The following TMEM233 variants were observed in gnomAD, a reference collection of about 807,000 sequenced individuals.
TMEM233 encodes transmembrane protein 233, also known as dispanin subfamily B member 2.
A neutral mutation model predicts 11.2 loss-of-function variants in TMEM233; 6 were observed. The observed-to-expected ratio is 0.54, with a 90% CI of 0.29 to 1.06. TMEM233 has a LOEUF of 1.06. Ranked by LOEUF, TMEM233 falls within the 50% of genes least tolerant of loss-of-function variation. TMEM233 has a pLI of 0.08. For missense variants in TMEM233, 127 were observed against 144.7 expected, an observed-to-expected ratio of 0.88 and a Z score of 0.63; for synonymous variants, 59 against 55.8, an observed-to-expected ratio of 1.06 and a Z score of -0.26.
chr12:119,614,912 A>C (rs1205632442), intron 1 of TMEM233, among the ~76,000 whole-genome samples: 1 of 152,094 alleles, frequency 6.6e-6, no homozygotes, highest in Non-Finnish European at 1.5e-5. Context: ...TGACTAATAT[A>C]GCTCCTGGCT....
intron 1 of TMEM233, among the ~76,000 whole-genome samples, chr12:119,627,761 A>T (rs1388250699): frequency 6.6e-6 from 1 of 152,118 alleles, no homozygotes; most frequent in Non-Finnish European, 1.5e-5. Context: ...GCGGGACTTG[A>T]CTCCAGACCA....
intron 1 of TMEM233, among the ~76,000 whole-genome samples, chr12:119,601,643 G>T (rs1954168668): frequency 8.0e-6 from 1 of 124,974 alleles, no homozygotes; most frequent in African/African-American, 3.1e-5. Context: ...GGGCGACAGA[G>T]CGAGATTCCG....
downstream of TMEM233, among the ~76,000 whole-genome samples, chr12:119,646,301 C>T (rs986002270): frequency 8.5e-5 from 13 of 152,158 alleles, no homozygotes; most frequent in Non-Finnish European, 1.3e-4. Context: ...TCAAGTGATC[C>T]GCCCACCTCG....
intron 1 of TMEM233, among the ~76,000 whole-genome samples, chr12:119,596,212 T>C (rs896787880): frequency 6.6e-6 from 1 of 152,214 alleles, no homozygotes; most frequent in African/African-American, 2.4e-5. Flanking sequence ...TGGCTGGCAC[T>C]GGTGCCCACA....
Position 119,594,005 on chromosome 12 carries a change from A to G in TMEM233, c.157A>G (p.Asn53Asp). The G allele has an allele frequency of 6.4e-7, 1 of 1,551,562 alleles. No individual in the cohort carries two copies. Among genetic ancestry groups the G allele is most frequent in the Non-Finnish European group, 8.7e-7 (1 of 1,146,938 alleles). ...GTGTTTTTGCCCTGCGTACCCCATC[A>G]ACATCGTGGCTTTGGTCTTTTCCAT... ...VSCFCPAYPI[N>D]IVALVFSIMS... Residue 53 changes from asparagine to aspartate, a missense_variant, in exon 1 of 3, where the codon AAC becomes GAC. Transcript: ENST00000426426. The surrounding 1 kb of genome is among the most constrained non-coding windows in gnomAD (Gnocchi z 5.6).
chr12:119,645,319 C>CTAAAAAAAAA (rs1955136111), downstream of TMEM233, among the ~76,000 whole-genome samples: 1 of 7,246 alleles, frequency 1.4e-4, no homozygotes, highest in Non-Finnish European at 4.3e-4. Flanking sequence ...CCACCAATTA[C>CTAAAAAAAAA]CAAAAAAAAA....
chr12:119,647,988 A>G (rs1244558719), downstream of TMEM233, among the ~76,000 whole-genome samples: 2 of 152,106 alleles, frequency 1.3e-5, no homozygotes, highest in Non-Finnish European at 2.9e-5. Context: ...CTGCAGCCAC[A>G]CACTGGCCCC....
At chr12:119,649,191 G>A in the TMEM233 span, among the ~76,000 whole-genome samples, 5 of 152,040 alleles carry the variant, frequency 3.3e-5, no homozygotes, top group East Asian at 1.9e-4. Context: ...TCAGCTACTC[G>A]GGAAGCTGAG....
In TMEM233 at chr12:119,594,293, C is replaced by T. The variant is rs1481987375; in HGVS notation, c.186+259C>T. The T allele has an allele frequency of 2.2e-6, 1 of 458,360 alleles. No individual in the cohort carries two copies. Among genetic ancestry groups the T allele is most frequent in the Non-Finnish European group, 3.9e-6 (1 of 258,076 alleles). The allele number at this position is 458,360 out of a possible 1,614,324, so 28.4% of individuals were successfully genotyped here. Reference sequence around the variant, plus strand: ...CCCAGGCTAGCTTTCCTCTTCTTTCCAGCTCCCAGGGTGCGTTTCCTCTCC... The same window carrying T: ...CCCAGGCTAGCTTTCCTCTTCTTTCTAGCTCCCAGGGTGCGTTTCCTCTCC... On this transcript the variant is annotated intron_variant, in intron 1 of 2. Coordinates refer to ENST00000426426, the MANE Select transcript of TMEM233 (RefSeq NM_001136534.3). The surrounding 1 kb of genome is among the most constrained non-coding windows in gnomAD (Gnocchi z 5.6).
chr12:119,644,040 A>G (rs1265211801), downstream of TMEM233, among the ~76,000 whole-genome samples: 1 of 152,172 alleles, frequency 6.6e-6, no homozygotes, highest in Non-Finnish European at 1.5e-5. Context: ...CTGTGGAAAG[A>G]CAGTGTTTCT....
chr12:119,614,433 A>AGAGG (rs1460998382), intron 1 of TMEM233, among the ~76,000 whole-genome samples: 1 of 151,914 alleles, frequency 6.6e-6, no homozygotes, highest in Admixed American at 6.6e-5. Flanking sequence ...AGAGAGAGAG[A>AGAGG]GAGGCAAGAA....
downstream of TMEM233, among the ~76,000 whole-genome samples, chr12:119,646,387 G>A (rs1955153244): frequency 6.6e-6 from 1 of 152,128 alleles, no homozygotes; most frequent in Non-Finnish European, 1.5e-5. Flanking sequence ...GGGCTCTCTG[G>A]TATAACAACC....
At chr12:119,601,545 C>T (rs1165088412) in intron 1 of TMEM233, among the ~76,000 whole-genome samples, 1 of 151,792 alleles carries the variant, frequency 6.6e-6, no homozygotes, top group African/African-American at 2.4e-5. Context: ...GTAGTCCCAG[C>T]TACTCGGGAG....
At chr12:119,626,531 GGAGAAGGGAGAAGAGAA>G (rs1405142678) in intron 1 of TMEM233, among the ~76,000 whole-genome samples, 14,352 of 98,386 alleles carry the variant, frequency 0.15, 1,508 homozygotes, top group East Asian at 0.17. Context: ...AAGGGAGAAG[GGAGAAGGGAGAAGAGAA>G]GAGAAGAGAA....
intron 1 of TMEM233, among the ~76,000 whole-genome samples, chr12:119,605,516 C>A (rs996717821): frequency 2.7e-5 from 4 of 147,958 alleles, no homozygotes; most frequent in Non-Finnish European, 5.9e-5. Context: ...CAGCCTTGAC[C>A]TCCCCAGGCT....
intron 1 of TMEM233, among the ~76,000 whole-genome samples, chr12:119,619,643 G>GAA (rs200868440): frequency 2.4e-5 from 3 of 127,188 alleles, no homozygotes; most frequent in Admixed American, 7.8e-5. Flanking sequence ...CCTGTCTCAA[G>GAA]AAAAAAAAAA....
chr12:119,601,845 G>A (rs1224713076), intron 1 of TMEM233, among the ~76,000 whole-genome samples: 1 of 152,064 alleles, frequency 6.6e-6, no homozygotes, highest in Non-Finnish European at 1.5e-5. Flanking sequence ...AGTCATGGGC[G>A]AATGTGCCTC....
chr12:119,649,249 G>C, the TMEM233 span, among the ~76,000 whole-genome samples: 1 of 152,114 alleles, frequency 6.6e-6, no homozygotes, highest in South Asian at 2.1e-4. Context: ...AGTGAGCCGA[G>C]ATTGTGCCAC....
At chr12:119,636,605 C>T (rs2136793307) in intron 2 of TMEM233, among the ~76,000 whole-genome samples, 1 of 152,276 alleles carries the variant, frequency 6.6e-6, no homozygotes, top group African/African-American at 2.4e-5. Context: ...AGGGTTGAGC[C>T]ACCACACCCA....
Sources: gnomAD v4.1 joint callset for allele counts (sites outside exome capture counted in the v4.1 genomes callset) on GRCh38, gnomAD v4.1.1 for gene constraint, Gnocchi (gnomAD v3.1) non-coding constraint, MANE v1.5 for transcripts, NCBI Gene and HGNC (gene_info 2026-07-23, HGNC 2026-07-21) for gene names.